The following DAB2IP variants were observed in gnomAD, a reference collection of about 807,000 sequenced individuals.
DAB2IP encodes disabled homolog 2-interacting protein.
Under a neutral mutation model 107.2 loss-of-function variants are expected in DAB2IP, and 28 were observed. That is an observed-to-expected ratio of 0.26 (90% CI 0.19 to 0.36). The LOEUF is 0.36. Among genes scored for constraint, DAB2IP ranks in the 10% least tolerant of loss-of-function variants. The pLI is 1.00. For missense variants in DAB2IP, 1,400 were observed against 1,644.7 expected, an observed-to-expected ratio of 0.85 and a Z score of 2.57; for synonymous variants, 755 against 706.4, an observed-to-expected ratio of 1.07 and a Z score of -1.09.
chr9:121,699,428 G>A lies in DAB2IP; in HGVS notation c.332G>A (p.Ser111Asn). Residue 111 changes from serine to asparagine, a missense_variant, in exon 3 of 16, where the codon AGC (serine) becomes AAC (asparagine). Transcript: ENST00000408936. The surrounding 1 kb of genome is among the most constrained non-coding windows in gnomAD (Gnocchi z 6.2). The stretch of plus-strand genomic sequence containing the variant: ...CGCCACATCCTGCCGGGGTTCCGGA[G>A]CGCCGCCGCCGCCGCCGCGGACAAT... 6.9e-7 allele frequency: 1 copy of A among 1,456,376 alleles called. No individual in the cohort carries two copies. Among genetic ancestry groups the A allele is most frequent in the Non-Finnish European group, 9.1e-7 (1 of 1,093,594 alleles). The allele number at this position is 1,456,376 out of a possible 1,614,324, so 90.2% of individuals were successfully genotyped here.
intron 3 of DAB2IP, among the ~76,000 whole-genome samples, chr9:121,717,055 A>G (rs1280828009): frequency 1.3e-5 from 2 of 152,188 alleles, no homozygotes; most frequent in Non-Finnish European, 2.9e-5. Context: ...ACTCATGAAG[A>G]TGGGCCGGGG....
intron 3 of DAB2IP, among the ~76,000 whole-genome samples, chr9:121,727,721 A>T (rs915415312): frequency 6.6e-6 from 1 of 152,188 alleles, no homozygotes; most frequent in African/African-American, 2.4e-5. Flanking sequence ...GTGAGGAGCT[A>T]ATGTATCTGT....
At chr9:121,677,998 GTAAAACA>G (rs1828358050) in intron 1 of DAB2IP, among the ~76,000 whole-genome samples, 1 of 152,118 alleles carries the variant, frequency 6.6e-6, no homozygotes, top group Non-Finnish European at 1.5e-5. Context: ...GATAAAATAT[GTAAAACA>G]TAAAAGTTAT....
At chr9:121,602,827 G>A (rs1443643731) in intron 1 of DAB2IP, among the ~76,000 whole-genome samples, 5 of 152,074 alleles carry the variant, frequency 3.3e-5, no homozygotes, top group South Asian at 2.1e-4. Flanking sequence ...CGCCCACCTC[G>A]GCCTCCCAAA....
In DAB2IP at chr9:121,698,625, T is replaced by C. The variant is rs374782067; in HGVS notation, c.229-700T>C. Among the ~76,000 whole-genome samples, 3 of 152,048 alleles carry C rather than the reference T, an allele frequency of 2.0e-5. No homozygotes were observed. On this transcript the variant is annotated intron_variant, in intron 2 of 15. Coordinates refer to ENST00000408936, the Ensembl canonical transcript of DAB2IP. This position sits in a 1 kb window ranked among gnomAD's most constrained non-coding sequence, Gnocchi z 4.1. The stretch of plus-strand genomic sequence containing the variant: ...AGGTGGTTGTCCTTGCTGGGGTACA[T>C]ACAACGGTTCCGGGGAGGGGCCCCA...
At chr9:121,780,227 C>T (rs2119036393) in intron 14 of DAB2IP, among the ~76,000 whole-genome samples, 1 of 152,290 alleles carries the variant, frequency 6.6e-6, no homozygotes, top group African/African-American at 2.4e-5. Flanking sequence ...AATCTCCTTC[C>T]AATCTAATTT....
At chr9:121,774,509 G>T in intron 13 of DAB2IP, 97 bp downstream of exon 13, 2 of 1,385,312 alleles carry the variant, frequency 1.4e-6, no homozygotes, top group South Asian at 3.0e-5. Flanking sequence ...AACGGGTGCT[G>T]CTGTCCTTGT....
At position 121,573,642 on chromosome 9, in the gene DAB2IP, C is replaced by T. The variant is rs188472884; in HGVS notation, c.40+6414C>T. On this transcript the variant is annotated intron_variant, in intron 1 of 16. Coordinates refer to the DAB2IP transcript ENST00000259371. ...AGGTAATCTGCCCACCTTGGCCTCC[C>T]AAAATGCTGGGATTAGAGGTGTGAG... Among the ~76,000 whole-genome samples, 173 of 152,222 alleles carry T rather than the reference C, an allele frequency of 1.1e-3. 1 individual carries two copies. Among genetic ancestry groups the T allele is most frequent in the Middle Eastern group, 6.8e-3 (2 of 294 alleles).
At chr9:121,677,908 C>T (rs529280298) in intron 1 of DAB2IP, among the ~76,000 whole-genome samples, 8 of 152,258 alleles carry the variant, frequency 5.3e-5, no homozygotes, top group South Asian at 2.1e-4. Context: ...GTGATCCTCC[C>T]GCCTCGGCCT....
chr9:121,697,740 T>A (rs1829497063), intron 2 of DAB2IP, among the ~76,000 whole-genome samples: 1 of 152,196 alleles, frequency 6.6e-6, no homozygotes, highest in Non-Finnish European at 1.5e-5. Context: ...TGAGGTATCA[T>A]TTCAGCTGGG....
intron 9 of DAB2IP, 40 bp from the exon 10 acceptor site, chr9:121,768,392 C>A (rs1363847435): frequency 1.1e-5 from 17 of 1,608,356 alleles, no homozygotes; most frequent in Non-Finnish European, 1.4e-5. Context: ...GCAGGGCCTG[C>A]CTGGGCCCAG....
Position 121,737,893 on chromosome 9 carries a change from G to A in DAB2IP, c.363-19120G>A, listed in dbSNP as rs541556505. Among the ~76,000 whole-genome samples the A allele has an allele frequency of 3.3e-5, 5 of 152,318 alleles. No homozygotes were observed. In the East Asian group the frequency reaches 7.7e-4, roughly 24 times the overall value. ...GAGTCCTCAGTGGGCAGGGCTTGTT[G>A]GTGTGCTGTGAAAGTGCAAGGCTTG... is the stretch of plus-strand genomic sequence containing the variant. On this transcript the variant is annotated intron_variant, in intron 3 of 15. Transcript: ENST00000408936.
intron 13 of DAB2IP, among the ~76,000 whole-genome samples, chr9:121,775,357 C>T (rs997803806): frequency 1.3e-5 from 2 of 152,230 alleles, no homozygotes; most frequent in African/African-American, 2.4e-5. Context: ...ATCCCCGGTC[C>T]GCTACATCCA....
At chr9:121,641,319 C>T (rs1238190805) in intron 1 of DAB2IP, among the ~76,000 whole-genome samples, 3 of 152,202 alleles carry the variant, frequency 2.0e-5, no homozygotes, top group African/African-American at 4.8e-5. Context: ...TCCCACCTAC[C>T]TGGTCTTAGG....
Position 121,782,624 on chromosome 9 carries a change from C to T in DAB2IP, c.*126C>T. On this transcript the variant is annotated 3_prime_UTR_variant, in exon 16 of 16. Coordinates refer to ENST00000408936, the Ensembl canonical transcript of DAB2IP. This position sits in a 1 kb window ranked among gnomAD's most constrained non-coding sequence, Gnocchi z 6.1. Reference sequence around the variant, plus strand: ...CGGGTGTCAGGAGGCCGAGCCTCCCCTCCCTGCCGCTGTCCAGGAGGCGGC... The same window carrying T: ...CGGGTGTCAGGAGGCCGAGCCTCCCTTCCCTGCCGCTGTCCAGGAGGCGGC... 2 of 1,502,308 alleles carry T rather than the reference C, an allele frequency of 1.3e-6. No individual in the cohort carries two copies. Among genetic ancestry groups the T allele is most frequent in the Admixed American group, 2.1e-5 (1 of 46,994 alleles). The allele number at this position is 1,502,308 out of a possible 1,614,324, so 93.1% of individuals were successfully genotyped here.
At chr9:121,762,031 T>C (rs1375063600) in intron 6 of DAB2IP, among the ~76,000 whole-genome samples, 1 of 152,032 alleles carries the variant, frequency 6.6e-6, no homozygotes, top group African/African-American at 2.4e-5. Flanking sequence ...CCAAAGGCCC[T>C]CAGTGGGATT....
chr9:121,723,794 G>A (rs1831075322), intron 3 of DAB2IP, among the ~76,000 whole-genome samples: 1 of 152,198 alleles, frequency 6.6e-6, no homozygotes, highest in South Asian at 2.1e-4. Context: ...GGTGCATGGT[G>A]AAGATTTGTC....
chr9:121,571,705 G>T (rs1005047284), intron 1 of DAB2IP, among the ~76,000 whole-genome samples: 2 of 152,080 alleles, frequency 1.3e-5, no homozygotes, highest in African/African-American at 2.4e-5. Flanking sequence ...TGGGGGATCC[G>T]CAGCCACTGG....
At chr9:121,697,380 C>T (rs563038755) in intron 2 of DAB2IP, among the ~76,000 whole-genome samples, 2 of 152,340 alleles carry the variant, frequency 1.3e-5, no homozygotes, top group South Asian at 2.1e-4. Context: ...TGCTTGACCA[C>T]AACCCCTGGG....
Sources: gnomAD v4.1 joint callset for allele counts (sites outside exome capture counted in the v4.1 genomes callset) on GRCh38, gnomAD v4.1.1 for gene constraint, Gnocchi (gnomAD v3.1) non-coding constraint, MANE v1.5 for transcripts, NCBI Gene and HGNC (gene_info 2026-07-23, HGNC 2026-07-21) for gene names.